The following RAB21 variants were observed in gnomAD, a reference collection of about 807,000 sequenced individuals.
RAB21 encodes the protein RAB21, member RAS oncogene family, also known as ras-related protein Rab-21.
Under a neutral mutation model 33.1 loss-of-function variants are expected in RAB21, and 13 were observed. That is an observed-to-expected ratio of 0.39 (90% CI 0.26 to 0.62). The LOEUF (loss-of-function observed/expected upper bound fraction) is 0.62, where lower values mean the gene tolerates loss of function less well. Among genes scored for constraint, RAB21 ranks in the 20% least tolerant of loss-of-function variants. The pLI, the probability that RAB21 is intolerant of heterozygous loss-of-function variation, is 0.48. For synonymous variants in RAB21, 91 were observed against 103.7 expected (o/e 0.88, Z 0.74); for missense variants, 234 against 279.1 (o/e 0.84, Z 1.15).
chr12:71,768,083 T>C (rs1426033155), intron 1 of RAB21, among the ~76,000 whole-genome samples: 1 of 152,216 alleles, frequency 6.6e-6, no homozygotes, highest in African/African-American at 2.4e-5. Context: ...TTTGCTGTTT[T>C]GGCATTTAAT....
intron 4 of RAB21, among the ~76,000 whole-genome samples, chr12:71,778,339 G>A (rs1160493816): frequency 5.3e-5 from 8 of 152,064 alleles, no homozygotes; most frequent in South Asian, 4.1e-4. Flanking sequence ...ATTATTAATC[G>A]TAGTCACCAT....
rs921415770 is a variant in RAB21 at position 71,787,816 on chromosome 12, C to T, written c.*2143C>T. ...TTGTACTCTGTAGTCTCTTGGTTTC[C>T]TGTGAAGTTAGTATTTATGTGGGGG... On this transcript the variant is annotated 3_prime_UTR_variant, in exon 7 of 7. Coordinates refer to ENST00000261263, the MANE Select transcript of RAB21 (RefSeq NM_014999.4). 6.6e-6 allele frequency: 1 copy of T among 152,000 alleles called. No homozygotes were observed. Among genetic ancestry groups the T allele is most frequent in the Non-Finnish European group, 1.5e-5 (1 of 68,030 alleles). The allele number at this position is 152,000 out of a possible 1,614,324, so 9.4% of individuals were successfully genotyped here.
Position 71,774,029 on chromosome 12 carries a change from A to G in RAB21, c.391+7A>G, listed in dbSNP as rs376585003. 5.8e-6 allele frequency: 9 copies of G among 1,544,730 alleles called. No homozygotes were observed. Among genetic ancestry groups the G allele is most frequent in the Admixed American group, 2.2e-5 (1 of 46,324 alleles). On this transcript the variant is annotated splice_region_variant and intron_variant, in intron 4 of 6. Transcript: ENST00000261263. ...ATCTGTTTATGTATAGTTGGTAAGC[A>G]TCATTACTTTTTTCTAAAAAAAAAG...
At chr12:71,771,342 C>A (rs983240978) in intron 3 of RAB21, among the ~76,000 whole-genome samples, 26 of 152,180 alleles carry the variant, frequency 1.7e-4, no homozygotes, top group African/African-American at 5.8e-4. Context: ...TCTCCTAAAG[C>A]TCTTCTTGGA....
rs757935469 is a variant in RAB21, at chr12:71,785,596, G to T, written c.601G>T (p.Ala201Ser). Residue 201 changes from alanine (A) to serine (S), a missense_variant, in exon 7 of 7, where the codon GCA (alanine) becomes TCA (serine). By Grantham distance (99) the Ala-to-Ser change is moderately conservative. Coordinates refer to ENST00000261263, the MANE Select transcript of RAB21 (RefSeq NM_014999.4). Reference protein sequence around the residue: ...KGNGSSQPGTARRGVQIIDDE... With the variant: ...KGNGSSQPGTSRRGVQIIDDE... ...CAATGGCTCTAGTCAGCCGGGAACTGCAAGGCGAGGTGTACAGATTATTGA... is the reference window on the plus strand; with the variant it reads ...CAATGGCTCTAGTCAGCCGGGAACTTCAAGGCGAGGTGTACAGATTATTGA... 6.2e-7 allele frequency: 1 copy of T among 1,614,190 alleles called. No individual in the cohort carries two copies. Among genetic ancestry groups the T allele is most frequent in the East Asian group, 2.2e-5 (1 of 44,876 alleles).
At chr12:71,779,415 C>G (rs1369387637) in intron 4 of RAB21, among the ~76,000 whole-genome samples, 2 of 152,112 alleles carry the variant, frequency 1.3e-5, no homozygotes, top group Non-Finnish European at 1.5e-5. Flanking sequence ...GTTCACGCCA[C>G]TGCATTCCAA....
At chr12:71,777,904 G>A (rs116417453) in intron 4 of RAB21, among the ~76,000 whole-genome samples, 3 of 152,298 alleles carry the variant, frequency 2.0e-5, no homozygotes, top group African/African-American at 7.2e-5. Context: ...TATCAGGATT[G>A]CCTGAGATTG....
chr12:71,783,623 G>T (rs1334306098), intron 6 of RAB21, among the ~76,000 whole-genome samples: 1 of 152,152 alleles, frequency 6.6e-6, no homozygotes. Flanking sequence ...CTCCAAGCCT[G>T]CCGAATCAGA....
In RAB21 at chr12:71,769,967, G is replaced by T. The variant is rs553798319; in HGVS notation, c.219+108G>T. The T allele has an allele frequency of 4.0e-4, 189 of 474,598 alleles. No individual in the cohort carries two copies. The Middle Eastern group carries it at 6.5e-3, about 16-fold the overall frequency. 29.4% of individuals were successfully genotyped at this position (474,598 alleles called of 1,614,324 possible). A position where few individuals can be genotyped will look rare whatever the true frequency, so the allele number is the denominator to read the frequency against. ...ACTTTTTTTTTTTTTTAATTAAAAA[G>T]AATCTTAAAATCTGGTTGAGAATTA... On this transcript the variant is annotated intron_variant, in intron 2 of 6. Transcript: ENST00000261263.
chr12:71,785,875 A>G lies in RAB21; in HGVS notation c.*202A>G, dbSNP rs1398496494. Reference sequence around the variant, plus strand: ...TGACCAGAGAATTGGCATTTTCTACAAATGTTTTTTTTTGTTTTTTTTTTG... The same window carrying G: ...TGACCAGAGAATTGGCATTTTCTACGAATGTTTTTTTTTGTTTTTTTTTTG... On this transcript the variant is annotated 3_prime_UTR_variant, in exon 7 of 7. Transcript: ENST00000261263. 1.2e-5 allele frequency: 7 copies of G among 566,686 alleles called. No individual in the cohort carries two copies. The African/African-American group carries it at 1.4e-4, about 11-fold the overall frequency. The allele number at this position is 566,686 out of a possible 1,614,324, so 35.1% of individuals were successfully genotyped here.
At chr12:71,783,978 A>G (rs959022057) in intron 6 of RAB21, among the ~76,000 whole-genome samples, 12 of 152,142 alleles carry the variant, frequency 7.9e-5, no homozygotes, top group Non-Finnish European at 1.8e-4. Context: ...ATGTTTATTT[A>G]GAAATTATAT....
At chr12:71,762,538 C>T (rs189324105) in intron 1 of RAB21, among the ~76,000 whole-genome samples, 1,766 of 152,054 alleles carry the variant, frequency 0.012, 46 homozygotes, top group African/African-American at 0.04. Context: ...ATCTCCTGAC[C>T]TCGTGATCCG....
At chr12:71,779,771 T>C (rs1265196072) in intron 4 of RAB21, among the ~76,000 whole-genome samples, 1 of 152,236 alleles carries the variant, frequency 6.6e-6, no homozygotes, top group Non-Finnish European at 1.5e-5. Context: ...TACTATACTT[T>C]TAAGTAGGTG....
Position 71,788,807 on chromosome 12 carries a change from T to C in RAB21, c.*3134T>C, listed in dbSNP as rs978663834. On this transcript the variant is annotated 3_prime_UTR_variant, in exon 7 of 7. Coordinates refer to ENST00000261263, the MANE Select transcript of RAB21 (RefSeq NM_014999.4). ...TCTGTAATGATGATGGGTATTCTGC[T>C]TCTTGTTTTTCATTGTAATTACAGG... 3 of 152,200 alleles carry C rather than the reference T, an allele frequency of 2.0e-5. No homozygotes were observed. Among genetic ancestry groups the C allele is most frequent in the East Asian group, 1.9e-4 (1 of 5,206 alleles). The allele number at this position is 152,200 out of a possible 1,614,324, so 9.4% of individuals were successfully genotyped here.
In RAB21 at chr12:71,794,772, T is replaced by TTATATATATATATATATATA. The variant is rs561993158; in HGVS notation, c.*9111_*9112insTATATATATATATATATATA. 3 of 145,842 alleles carry TTATATATATATATATATATA rather than the reference T, an allele frequency of 2.1e-5. No individual in the cohort carries two copies. The highest frequency in any genetic ancestry group is 5.0e-5 in the African/African-American group (2 of 40,006). The allele number at this position is 145,842 out of a possible 1,614,324, so 9.0% of individuals were successfully genotyped here. A position where few individuals can be genotyped will look rare whatever the true frequency, so the allele number is the denominator to read the frequency against. The stretch of plus-strand genomic sequence containing the variant: ...AATTTATATATATTTCATATATATA[T>TTATATATATATATATATATA]TATATATATATAAAATTAACCGGGC... On this transcript the variant is annotated 3_prime_UTR_variant, in exon 7 of 7. Coordinates refer to ENST00000261263, the MANE Select transcript of RAB21 (RefSeq NM_014999.4).
intron 1 of RAB21, among the ~76,000 whole-genome samples, chr12:71,762,996 ATTTATTTT>A (rs1019564415): frequency 1.1e-4 from 16 of 151,892 alleles, no homozygotes; most frequent in African/African-American, 3.6e-4. Flanking sequence ...TGCTTTACTC[ATTTATTTT>A]TTTATTTTAT....
Position 71,790,414 on chromosome 12 carries a change from T to C in RAB21, c.*4741T>C, listed in dbSNP as rs1380370207. The C allele has an allele frequency of 7.2e-6, 1 of 139,280 alleles. No homozygotes were observed. Among genetic ancestry groups the C allele is most frequent in the East Asian group, 2.1e-4 (1 of 4,768 alleles). The allele number at this position is 139,280 out of a possible 1,614,324, so 8.6% of individuals were successfully genotyped here. A position where few individuals can be genotyped will look rare whatever the true frequency, so the allele number is the denominator to read the frequency against. On this transcript the variant is annotated 3_prime_UTR_variant, in exon 7 of 7. Coordinates refer to ENST00000261263, the MANE Select transcript of RAB21 (RefSeq NM_014999.4). The stretch of plus-strand genomic sequence containing the variant: ...AGATCAATGAGAGAATGGTGAGGGA[T>C]AGCAAGGATAAAGTATAATGTTGAA...
intron 3 of RAB21, among the ~76,000 whole-genome samples, 186 bp from the exon 4 acceptor site, chr12:71,773,773 A>C (rs1269861475): frequency 6.6e-6 from 1 of 152,170 alleles, no homozygotes; most frequent in Non-Finnish European, 1.5e-5. Flanking sequence ...TTGTATGTTT[A>C]TATGTATATA....
rs1336425905 is a variant in RAB21, at chr12:71,799,747, A to G, written c.*14074A>G. 1 of 152,194 alleles carries G rather than the reference A, an allele frequency of 6.6e-6. No homozygotes were observed. Among genetic ancestry groups the G allele is most frequent in the African/African-American group, 2.4e-5 (1 of 41,452 alleles). The allele number at this position is 152,194 out of a possible 1,614,324, so 9.4% of individuals were successfully genotyped here. On this transcript the variant is annotated 3_prime_UTR_variant, in exon 7 of 7. Transcript: ENST00000261263. Reference sequence around the variant, plus strand: ...CTGTATATTTTAAAATTGAACAAGTATAGTAGACAATTGAAGTATAGTAAA... The same window carrying G: ...CTGTATATTTTAAAATTGAACAAGTGTAGTAGACAATTGAAGTATAGTAAA...
Sources: allele counts gnomAD v4.1 joint callset (sites outside exome capture counted in the v4.1 genomes callset), GRCh38; gene constraint gnomAD v4.1.1; transcripts MANE v1.5; gene names NCBI Gene and HGNC (gene_info 2026-07-23, HGNC 2026-07-21).